CTNND2: variants seen among roughly 807,000 people sequenced by gnomAD.
CTNND2 encodes catenin delta 2, also known as catenin delta-2.
CTNND2 carries 22 observed loss-of-function variants against 144.4 expected under a neutral mutation model. That is an observed-to-expected ratio of 0.15 (90% CI 0.11 to 0.22). The LOEUF (loss-of-function observed/expected upper bound fraction) is 0.22, where lower values mean the gene tolerates loss of function less well. Among genes scored for constraint, CTNND2 ranks in the 10% least tolerant of loss-of-function variants. CTNND2 has a pLI of 1.00. For synonymous variants in CTNND2, 751 were observed against 695.6 expected (o/e 1.08, Z -1.25); for missense variants, 1,353 against 1,618.8 (o/e 0.84, Z 2.82).
At chr5:11,142,657 A>G (rs1276497129) in intron 12 of CTNND2, among the ~76,000 whole-genome samples, 1 of 136,628 alleles carries the variant, frequency 7.3e-6, no homozygotes, top group African/African-American at 2.8e-5. Flanking sequence ...TCTGTCACCC[A>G]GGCTGGAGTG....
At chr5:11,060,183 G>A (rs1319231449) in intron 16 of CTNND2, among the ~76,000 whole-genome samples, 2 of 152,076 alleles carry the variant, frequency 1.3e-5, no homozygotes, top group African/African-American at 4.8e-5. Flanking sequence ...CGGCTCAAGG[G>A]GTGGGAGCTA....
chr5:11,700,593 C>A (rs182430227), intron 2 of CTNND2, among the ~76,000 whole-genome samples: 3 of 152,210 alleles, frequency 2.0e-5, no homozygotes, highest in East Asian at 1.9e-4. Context: ...TTTTCATCGG[C>A]GCTGTGTGGT....
intron 2 of CTNND2, among the ~76,000 whole-genome samples, chr5:11,572,113 C>T (rs1268901136): frequency 6.6e-6 from 1 of 152,058 alleles, no homozygotes; most frequent in Non-Finnish European, 1.5e-5. Context: ...TTTAAAATAA[C>T]TTGGCAAGCT....
rs187415375 is a variant in CTNND2, at chr5:11,760,419, T to G, written c.38-28147A>C. On this transcript the variant is annotated intron_variant, in intron 1 of 21. Coordinates refer to ENST00000304623, the MANE Select transcript of CTNND2 (RefSeq NM_001332.4). Reference sequence around the variant, plus strand: ...ACCCATTCATTTCAATTTTATCTAATAATTATATTATGTGATTAAACATAT... The same window carrying G: ...ACCCATTCATTTCAATTTTATCTAAGAATTATATTATGTGATTAAACATAT... 8.5e-5 allele frequency among the ~76,000 whole-genome samples: 13 copies of G among 152,286 alleles called. No homozygotes were observed. In the East Asian group the frequency reaches 2.3e-3, roughly 27 times the overall value.
intron 11 of CTNND2, among the ~76,000 whole-genome samples, chr5:11,180,874 T>C (rs1050509680): frequency 6.6e-6 from 1 of 152,192 alleles, no homozygotes; most frequent in East Asian, 1.9e-4. Context: ...CCCATCTGAG[T>C]TGATGTCTCT....
intron 2 of CTNND2, among the ~76,000 whole-genome samples, chr5:11,604,285 G>C (rs1463706162): frequency 2.6e-5 from 4 of 152,156 alleles, no homozygotes; most frequent in African/African-American, 9.7e-5. Context: ...CCATACAGTT[G>C]GCATGAAAAA....
intron 16 of CTNND2, among the ~76,000 whole-genome samples, chr5:11,023,392 T>C (rs188359512): frequency 2.3e-4 from 35 of 152,364 alleles, no homozygotes; most frequent in African/African-American, 7.2e-4. Context: ...TTGATGTTTA[T>C]AGAAGTCAAG....
chr5:11,650,769 T>C (rs1325248383), intron 2 of CTNND2, among the ~76,000 whole-genome samples: 2 of 152,180 alleles, frequency 1.3e-5, no homozygotes, highest in African/African-American at 2.4e-5. Context: ...TTGGGAGTGA[T>C]GATTTAAGGT....
chr5:11,688,725 C>A (rs1426652898), intron 2 of CTNND2, among the ~76,000 whole-genome samples: 1 of 152,072 alleles, frequency 6.6e-6, no homozygotes, highest in African/African-American at 2.4e-5. Flanking sequence ...GGAGAAGGGC[C>A]CTGATGCTTG....
At chr5:11,062,558 C>T (rs1580175420) in intron 16 of CTNND2, among the ~76,000 whole-genome samples, 2 of 152,296 alleles carry the variant, frequency 1.3e-5, no homozygotes, top group South Asian at 2.1e-4. Flanking sequence ...TGGGAAAGCC[C>T]GAGCTAATTC....
Position 11,707,808 on chromosome 5 carries a change from CA to C in CTNND2, c.174+24327del, listed in dbSNP as rs1433806411. 7.9e-5 allele frequency among the ~76,000 whole-genome samples: 12 copies of C among 152,172 alleles called. No individual in the cohort carries two copies. In the East Asian group the frequency reaches 1.9e-3, roughly 25 times the overall value. ...TTTAAAAATAAAAGAAGAAAAACTA[CA>C]AAAAAGCCTCAGGGTCTTCAAACAT... On this transcript the variant is annotated intron_variant, in intron 2 of 21. Transcript: ENST00000304623.
chr5:11,642,133 A>G (rs1425196755), intron 2 of CTNND2, among the ~76,000 whole-genome samples: 1 of 152,048 alleles, frequency 6.6e-6, no homozygotes, highest in Non-Finnish European at 1.5e-5. Context: ...TTGTGCCCCA[A>G]TTTACACCTA....
intron 13 of CTNND2, among the ~76,000 whole-genome samples, chr5:11,112,990 A>T (rs147741701): frequency 0.014 from 2,173 of 152,148 alleles, 56 homozygotes; most frequent in African/African-American, 0.05. Context: ...AAAATTCAAA[A>T]ATTAGCCAAG....
intron 3 of CTNND2, among the ~76,000 whole-genome samples, chr5:11,559,156 T>A (rs1205524322): frequency 6.6e-6 from 1 of 152,140 alleles, no homozygotes; most frequent in Non-Finnish European, 1.5e-5. Flanking sequence ...TGTATATATT[T>A]ATACACGTGT....
At chr5:11,655,668 T>A (rs1011294733) in intron 2 of CTNND2, among the ~76,000 whole-genome samples, 1 of 151,550 alleles carries the variant, frequency 6.6e-6, no homozygotes. Context: ...ACAATACAAA[T>A]GGCAAAAAGC....
intron 12 of CTNND2, among the ~76,000 whole-genome samples, chr5:11,137,374 T>A (rs1051632344): frequency 1.3e-5 from 2 of 152,214 alleles, no homozygotes; most frequent in African/African-American, 4.8e-5. Context: ...CTGTATCTAG[T>A]CGTCTAGAGC....
chr5:11,080,791 T>C (rs1749466248), intron 16 of CTNND2, among the ~76,000 whole-genome samples: 1 of 152,096 alleles, frequency 6.6e-6, no homozygotes, highest in Non-Finnish European at 1.5e-5. Flanking sequence ...TATAGAAGCA[T>C]AGGCTGGGTG....
In CTNND2 at chr5:11,644,387, C is replaced by T. The variant is rs576319169; in HGVS notation, c.175-79331G>A. ...GTTAAGTCCTGTAAATGATACCAAGCGGCTGTGCCGGGTGCAGTGGCTCAC... is the reference window on the plus strand; with the variant it reads ...GTTAAGTCCTGTAAATGATACCAAGTGGCTGTGCCGGGTGCAGTGGCTCAC... On this transcript the variant is annotated intron_variant, in intron 2 of 21. Transcript: ENST00000304623. Among the ~76,000 whole-genome samples the T allele has an allele frequency of 5.3e-5, 8 of 152,220 alleles. No individual in the cohort carries two copies. In the East Asian group the frequency reaches 9.7e-4, roughly 18 times the overall value.
intron 9 of CTNND2, among the ~76,000 whole-genome samples, chr5:11,238,785 G>A (rs1211747729): frequency 6.6e-6 from 1 of 151,890 alleles, no homozygotes; most frequent in Non-Finnish European, 1.5e-5. Flanking sequence ...AAGACATACA[G>A]TATAATAATA....
Sources: allele counts gnomAD v4.1 joint callset (sites outside exome capture counted in the v4.1 genomes callset), GRCh38; gene constraint gnomAD v4.1.1; transcripts MANE v1.5; gene names NCBI Gene and HGNC (gene_info 2026-07-23, HGNC 2026-07-21).